The following ROR1 variants were observed in gnomAD, a reference collection of about 807,000 sequenced individuals.
ROR1 encodes ROR family WNT receptor 1, also known as inactive tyrosine-protein kinase transmembrane receptor ROR1.
A neutral mutation model predicts 78.8 loss-of-function variants in ROR1; 19 were observed. That is an observed-to-expected ratio of 0.24 (90% confidence interval 0.17 to 0.35). ROR1 has a LOEUF of 0.35. Among genes scored for constraint, ROR1 ranks in the 10% least tolerant of loss-of-function variants. The pLI is 1.00. For synonymous variants in ROR1, 386 were observed against 433.6 expected, an observed-to-expected ratio of 0.89 and a Z score of 1.36; for missense variants, 917 against 1,177.8, an observed-to-expected ratio of 0.78 and a Z score of 3.24.
At chr1:64,145,208 A>G (rs1364461024) in intron 7 of ROR1, among the ~76,000 whole-genome samples, 1 of 152,224 alleles carries the variant, frequency 6.6e-6, no homozygotes, top group Admixed American at 6.5e-5. Context: ...TAAGAGGAAT[A>G]AAATGATTCA....
chr1:63,787,715 C>T (rs928702706), intron 1 of ROR1, among the ~76,000 whole-genome samples: 3 of 152,026 alleles, frequency 2.0e-5, no homozygotes, highest in Non-Finnish European at 2.9e-5. Context: ...TTAGTAGAGA[C>T]GGGTTTTGCC....
chr1:63,935,425 A>G (rs1458347178), intron 1 of ROR1, among the ~76,000 whole-genome samples: 2 of 152,190 alleles, frequency 1.3e-5, no homozygotes, highest in East Asian at 3.9e-4. Context: ...TGAAATGGTC[A>G]GGTTAATTGT....
intron 1 of ROR1, among the ~76,000 whole-genome samples, chr1:63,933,745 TG>T (rs1371945605): frequency 1.3e-5 from 2 of 152,326 alleles, no homozygotes; most frequent in Admixed American, 1.3e-4. Context: ...TTGGTGAAGT[TG>T]GGATCTGTAG....
chr1:63,998,767 G>A (rs17125938), intron 1 of ROR1, among the ~76,000 whole-genome samples: 4,090 of 152,234 alleles, frequency 0.027, 199 homozygotes, highest in African/African-American at 0.094. Context: ...ATCAATTTAG[G>A]AGGTTGATAT....
rs1485218468 is a variant in ROR1 at position 64,177,833 on chromosome 1, C to G, written c.1792C>G (p.Gln598Glu). 6.2e-7 allele frequency: 1 copy of G among 1,614,058 alleles called. No individual in the cohort carries two copies. The highest frequency in any genetic ancestry group is 8.5e-7 in the Non-Finnish European group (1 of 1,180,014). ...CGGAGATTTTCTGCACATTGCAATT[C>G]AGATTGCAGCTGGCATGGAATACCT... ...DHGDFLHIAI[Q>E]IAAGMEYLSS... The change falls in exon 9 of 9, where the codon CAG becomes GAG. Residue 598 changes from glutamine to glutamate, a missense_variant. Coordinates refer to ENST00000371079, the MANE Select transcript of ROR1 (RefSeq NM_005012.4).
intron 1 of ROR1, among the ~76,000 whole-genome samples, chr1:63,935,319 A>C (rs768961642): frequency 2.6e-5 from 4 of 152,152 alleles, no homozygotes; most frequent in Admixed American, 6.5e-5. Flanking sequence ...AGATGAGCTA[A>C]GATGCAGTTC....
At chr1:64,101,438 C>G (rs77668083) in intron 4 of ROR1, among the ~76,000 whole-genome samples, 1 of 151,982 alleles carries the variant, frequency 6.6e-6, no homozygotes, top group Non-Finnish European at 1.5e-5. Context: ...ACTAAATAAC[C>G]CATCATGCGT....
chr1:63,806,316 AT>A (rs370972368), intron 1 of ROR1, among the ~76,000 whole-genome samples: 11,665 of 87,116 alleles, frequency 0.13, 723 homozygotes, highest in African/African-American at 0.35. Context: ...CTGTCAGACT[AT>A]TTTTTTTTTT....
chr1:63,892,103 A>G (rs1645401761), intron 1 of ROR1, among the ~76,000 whole-genome samples: 1 of 152,228 alleles, frequency 6.6e-6, no homozygotes, highest in African/African-American at 2.4e-5. Context: ...ATAAGCATTC[A>G]TTAATTCACT....
chr1:63,957,915 TG>T (rs1645996853), intron 1 of ROR1, among the ~76,000 whole-genome samples: 1 of 152,030 alleles, frequency 6.6e-6, no homozygotes, highest in Non-Finnish European at 1.5e-5. Flanking sequence ...GCTAATTTTT[TG>T]TATCTTTAGT....
intron 4 of ROR1, among the ~76,000 whole-genome samples, chr1:64,070,269 G>A (rs1047959613): frequency 1.3e-5 from 2 of 152,118 alleles, no homozygotes; most frequent in Non-Finnish European, 2.9e-5. Flanking sequence ...ATAGCAATGA[G>A]GCCTGGCATT....
At chr1:63,777,662 T>C (rs1644625469) in intron 1 of ROR1, among the ~76,000 whole-genome samples, 3 of 152,184 alleles carry the variant, frequency 2.0e-5, no homozygotes, top group Admixed American at 6.5e-5. Flanking sequence ...AGTTAGACTT[T>C]TGGAAAGTTT....
chr1:64,179,029 A>G lies in ROR1; in HGVS notation c.*174A>G. 4.1e-6 allele frequency: 2 copies of G among 482,140 alleles called. No homozygotes were observed. The highest frequency in any genetic ancestry group is 2.9e-5 in the South Asian group (1 of 34,822). The allele number at this position is 482,140 out of a possible 1,614,324, so 29.9% of individuals were successfully genotyped here. A position where few individuals can be genotyped will look rare whatever the true frequency, so the allele number is the denominator to read the frequency against. ...GCAGGACAGACACTCGGCCAGAAAA[A>G]AAAAAAAAAAAAAAAAACAAGCAAA... is the stretch of plus-strand genomic sequence containing the variant. On this transcript the variant is annotated 3_prime_UTR_variant, in exon 9 of 9. Coordinates refer to ENST00000371079, the MANE Select transcript of ROR1 (RefSeq NM_005012.4).
chr1:64,142,707 A>G, intron 7 of ROR1, 57 bp downstream of exon 7: 3 of 1,596,690 alleles, frequency 1.9e-6, no homozygotes, highest in Non-Finnish European at 2.6e-6. Flanking sequence ...TCCCTATCCT[A>G]CCCCTCTTAT....
intron 1 of ROR1, among the ~76,000 whole-genome samples, chr1:63,834,909 T>C (rs1645010983): frequency 6.6e-6 from 1 of 151,984 alleles, no homozygotes; most frequent in Non-Finnish European, 1.5e-5. Flanking sequence ...ATGGCTCTAA[T>C]CAACATTCTT....
chr1:64,096,908 GTTT>G (rs35198323), intron 4 of ROR1, among the ~76,000 whole-genome samples: 296 of 147,072 alleles, frequency 2.0e-3, no homozygotes, highest in African/African-American at 6.6e-3. Flanking sequence ...ACCAGCATCT[GTTT>G]TTTTTTTTTT....
intron 1 of ROR1, among the ~76,000 whole-genome samples, chr1:63,951,091 G>A (rs1383010287): frequency 6.6e-6 from 1 of 152,176 alleles, no homozygotes; most frequent in Admixed American, 6.5e-5. Flanking sequence ...TGAAGTAGAA[G>A]GAGCTCTGCA....
rs902307163 is a variant in ROR1, at chr1:63,789,674, CTTTTTT to C, written c.91+15183_91+15188del. ...GAAAAAAACACCCATCCTTCCTCTC[CTTTTTT>C]TTTTTTTTTTTTTTTTGTCTTTAAA... On this transcript the variant is annotated intron_variant, in intron 1 of 8. Transcript: ENST00000371079. 1.3e-4 allele frequency among the ~76,000 whole-genome samples: 13 copies of C among 102,606 alleles called. No homozygotes were observed. In the East Asian group the frequency reaches 3.0e-3, roughly 24 times the overall value. 67.3% of individuals were successfully genotyped at this position (102,606 alleles called of 152,430 possible). A position where few individuals can be genotyped will look rare whatever the true frequency, so the allele number is the denominator to read the frequency against.
At chr1:63,941,617 C>T (rs1019711687) in intron 1 of ROR1, among the ~76,000 whole-genome samples, 1 of 152,132 alleles carries the variant, frequency 6.6e-6, no homozygotes, top group African/African-American at 2.4e-5. Flanking sequence ...GTTCTTTTTG[C>T]ATTATAGGGT....
Sources: allele counts gnomAD v4.1 joint callset (sites outside exome capture counted in the v4.1 genomes callset), GRCh38; gene constraint gnomAD v4.1.1; transcripts MANE v1.5; gene names NCBI Gene and HGNC (gene_info 2026-07-23, HGNC 2026-07-21).